ARHGAP28: variants seen among roughly 807,000 people sequenced by gnomAD.
The protein encoded by ARHGAP28 is rho GTPase-activating protein 28.
A neutral mutation model predicts 90.7 loss-of-function variants in ARHGAP28; 56 were observed. That is an observed-to-expected ratio of 0.62 (90% confidence interval 0.50 to 0.77). The LOEUF (loss-of-function observed/expected upper bound fraction) is 0.77, where lower values mean the gene tolerates loss of function less well. Among genes scored for constraint, ARHGAP28 ranks in the 30% least tolerant of loss-of-function variants. The probability of loss-of-function intolerance (pLI) is 0.00; values close to 1 mark genes in which losing one functional copy is unlikely to be tolerated. For synonymous variants in ARHGAP28, 308 were observed against 323.3 expected (o/e 0.95, Z 0.51); for missense variants, 869 against 900.9 (o/e 0.96, Z 0.45).
intron 1 of ARHGAP28, among the ~76,000 whole-genome samples, chr18:6,776,452 TTGAG>T (rs1462000019): frequency 6.6e-6 from 1 of 152,222 alleles, no homozygotes; most frequent in African/African-American, 2.4e-5. Flanking sequence ...GGCCACCGGC[TTGAG>T]TATCACAGCC....
intron 1 of ARHGAP28, among the ~76,000 whole-genome samples, chr18:6,817,143 G>A (rs183960839): frequency 4.6e-5 from 7 of 150,582 alleles, no homozygotes; most frequent in Admixed American, 6.6e-5. Context: ...GTGAAACCCC[G>A]TCTCTACTAA....
intron 7 of ARHGAP28, 149 bp downstream of exon 7, chr18:6,870,881 A>T: frequency 1.3e-6 from 1 of 771,010 alleles, no homozygotes; most frequent in South Asian, 2.0e-5. Context: ...GCTCACTGCA[A>T]GCTCTGCCTC....
intron 1 of ARHGAP28, among the ~76,000 whole-genome samples, chr18:6,746,340 G>A (rs1192382246): frequency 6.6e-6 from 1 of 152,154 alleles, no homozygotes; most frequent in East Asian, 1.9e-4. Flanking sequence ...TATTTTCTCT[G>A]TGGGAACTCT....
At chr18:6,810,600 C>T (rs2056549391) in intron 1 of ARHGAP28, among the ~76,000 whole-genome samples, 1 of 152,020 alleles carries the variant, frequency 6.6e-6, no homozygotes, top group Non-Finnish European at 1.5e-5. Context: ...GGGCCCAGCC[C>T]AGTGGGTTGT....
intron 1 of ARHGAP28, among the ~76,000 whole-genome samples, chr18:6,769,192 A>G (rs995938578): frequency 5.3e-5 from 8 of 151,976 alleles, no homozygotes; most frequent in African/African-American, 1.9e-4. Context: ...ACACAGGACC[A>G]TAGTTGGCAT....
At chr18:6,852,042 G>A (rs1054609676) in intron 4 of ARHGAP28, among the ~76,000 whole-genome samples, 7 of 152,120 alleles carry the variant, frequency 4.6e-5, no homozygotes, top group African/African-American at 1.4e-4. Flanking sequence ...TATACTTTAT[G>A]TACAGTTAAT....
chr18:6,736,338 A>T (rs2143139238), intron 1 of ARHGAP28, among the ~76,000 whole-genome samples: 1 of 152,256 alleles, frequency 6.6e-6, no homozygotes, highest in South Asian at 2.1e-4. Context: ...AAGTATAAAA[A>T]ATGTTTTAAT....
At chr18:6,762,870 T>G (rs2143345431) in intron 1 of ARHGAP28, among the ~76,000 whole-genome samples, 1 of 152,170 alleles carries the variant, frequency 6.6e-6, no homozygotes, top group East Asian at 1.9e-4. Flanking sequence ...GTGTGTGACG[T>G]TTTGTTATGG....
At chr18:6,827,341 A>C in intron 2 of ARHGAP28, among the ~76,000 whole-genome samples, 1 of 143,002 alleles carries the variant, frequency 7.0e-6, no homozygotes, top group South Asian at 2.3e-4. Context: ...TCCCTCCCGG[A>C]CGGGGCGGCT....
At chr18:6,794,068 A>G (rs1019410474) in intron 1 of ARHGAP28, among the ~76,000 whole-genome samples, 9 of 152,220 alleles carry the variant, frequency 5.9e-5, no homozygotes, top group African/African-American at 1.4e-4. Flanking sequence ...GAAAAAGTGT[A>G]TGGCGTGCAG....
intron 16 of ARHGAP28, among the ~76,000 whole-genome samples, chr18:6,905,564 G>T (rs1480454994): frequency 6.6e-6 from 1 of 152,104 alleles, no homozygotes; most frequent in Admixed American, 6.5e-5. Flanking sequence ...GTAAGGGAAA[G>T]AAAAGAAATG....
intron 1 of ARHGAP28, among the ~76,000 whole-genome samples, chr18:6,803,935 C>T (rs970144864): frequency 1.1e-4 from 16 of 152,120 alleles, no homozygotes; most frequent in African/African-American, 2.2e-4. Context: ...CCTCCCACCA[C>T]GCCCAGCTAA....
At chr18:6,821,289 T>A (rs2056625161) in intron 1 of ARHGAP28, among the ~76,000 whole-genome samples, 1 of 152,232 alleles carries the variant, frequency 6.6e-6, no homozygotes, top group Admixed American at 6.5e-5. Context: ...CACTTTGAAT[T>A]TATGATAATT....
At chr18:6,754,847 C>T (rs1041807203) in intron 1 of ARHGAP28, 1 of 152,062 alleles carries the variant, frequency 6.6e-6, no homozygotes. Context: ...TGTAAGGGGA[C>T]TAAAAGAAAG....
At chr18:6,877,325 A>G (rs1300117149) in intron 10 of ARHGAP28, among the ~76,000 whole-genome samples, 1 of 152,234 alleles carries the variant, frequency 6.6e-6, no homozygotes, top group Admixed American at 6.5e-5. Flanking sequence ...TGAAAGGGGC[A>G]GGAACCAGGA....
intron 3 of ARHGAP28, among the ~76,000 whole-genome samples, chr18:6,841,208 C>CTCACTGTCTCTCTCTCTCTCTCTCTCTCT (rs1555631529): frequency 2.3e-5 from 1 of 43,136 alleles, no homozygotes; most frequent in Non-Finnish European, 4.5e-5. Flanking sequence ...TCTCTCCTCT[C>CTCACTGTCTCTCTCTCTCTCTCTCTCTCT]CTCTCTCTCT....
intron 7 of ARHGAP28, among the ~76,000 whole-genome samples, chr18:6,873,052 G>A (rs1010986369): frequency 6.6e-6 from 1 of 152,078 alleles, no homozygotes; most frequent in Admixed American, 6.5e-5. Context: ...TTCCTGTTAT[G>A]TGTGTGTCAC....
At chr18:6,741,143 G>T (rs1162365839) in intron 1 of ARHGAP28, among the ~76,000 whole-genome samples, 1 of 152,146 alleles carries the variant, frequency 6.6e-6, no homozygotes, top group Non-Finnish European at 1.5e-5. Flanking sequence ...CATATTTGCT[G>T]TGACTTTTCA....
At chr18:6,850,256 C>G (rs1404857392) in intron 3 of ARHGAP28, among the ~76,000 whole-genome samples, 1 of 152,204 alleles carries the variant, frequency 6.6e-6, no homozygotes, top group Admixed American at 6.5e-5. Flanking sequence ...ATGTTCTTCT[C>G]TTTCCTCAAT....
Sources: gnomAD v4.1 joint callset for allele counts (sites outside exome capture counted in the v4.1 genomes callset) on GRCh38, gnomAD v4.1.1 for gene constraint, MANE v1.5 for transcripts, NCBI Gene and HGNC (gene_info 2026-07-23, HGNC 2026-07-21) for gene names.